Variants in TRIP11 observed in about 807,000 individuals in gnomAD.
TRIP11 encodes thyroid hormone receptor interactor 11, also known as thyroid receptor-interacting protein 11.
A neutral mutation model predicts 223.1 loss-of-function variants in TRIP11; 148 were observed. The ratio of observed to expected loss-of-function variants is 0.66; its 90% CI spans 0.58 to 0.76. The LOEUF (loss-of-function observed/expected upper bound fraction) is 0.76. TRIP11 is among the 30% of genes least tolerant of loss of function. The pLI is 0.00. For synonymous variants in TRIP11, 762 were observed against 772.6 expected (o/e 0.99, Z 0.23); for missense variants, 2,043 against 2,222.0 (o/e 0.92, Z 1.62).
intron 8 of TRIP11, 39 bp from the exon 9 acceptor site, chr14:92,011,111 A>G (rs1264090574): frequency 1.9e-6 from 3 of 1,589,758 alleles, no homozygotes; most frequent in South Asian, 2.2e-5. Context: ...GGTAACAAGA[A>G]ATTTCCAGTT....
Position 91,969,893 on chromosome 14 carries a change from T to C in TRIP11, c.5720A>G (p.Asp1907Gly), listed in dbSNP as rs2056380649. 6.2e-7 allele frequency: 1 copy of C among 1,613,140 alleles called. No individual in the cohort carries two copies. Among genetic ancestry groups the C allele is most frequent in the African/African-American group, 1.3e-5 (1 of 74,936 alleles). Residue 1907 changes from aspartate to glycine, a missense_variant and splice_region_variant, in exon 21 of 21, where the codon GAT becomes GGT. By Grantham distance (94) the Asp-to-Gly change is moderately conservative. Transcript: ENST00000267622. ...TCTACCAGACCTGGATTCTGCTGTA[T>C]CTAAAGAATAAAATATGGATTTAGT... ...RDTNAPESFK[D>G]TAESRSGRRT...
rs11621328 is a variant in TRIP11, at chr14:92,033,004, T to G, written c.201+188A>C. On this transcript the variant is annotated intron_variant, in intron 2 of 20. Coordinates refer to ENST00000267622, the MANE Select transcript of TRIP11 (RefSeq NM_004239.4). ...ATGGGAATATTAAAGAATAGCAAAC[T>G]GCAGTAACAGGTAAATATATTTTTC... 0.23 allele frequency among the ~76,000 whole-genome samples: 34,338 copies of G among 151,944 alleles called. 4,898 individuals are homozygous for G. The highest frequency in any genetic ancestry group is 0.35 in the Admixed American group (5,284 of 15,240).
chr14:92,025,132 A>G (rs1277434772), intron 3 of TRIP11, among the ~76,000 whole-genome samples, 178 bp downstream of exon 3: 1 of 152,186 alleles, frequency 6.6e-6, no homozygotes, highest in Non-Finnish European at 1.5e-5. Context: ...TAAAGTTTAC[A>G]TTACCTTACA....
chr14:92,019,546 T>G (rs1189825324), intron 4 of TRIP11, among the ~76,000 whole-genome samples: 2 of 152,162 alleles, frequency 1.3e-5, no homozygotes, highest in Non-Finnish European at 2.9e-5. Flanking sequence ...AGTGGGAAGA[T>G]TTCTCCTTTA....
chr14:91,973,513 T>A (rs2056425566), intron 19 of TRIP11, among the ~76,000 whole-genome samples: 1 of 152,144 alleles, frequency 6.6e-6, no homozygotes, highest in Admixed American at 6.5e-5. Context: ...AACACAAACA[T>A]AAAAAATTAT....
At chr14:91,987,216 T>C (rs2056614326) in intron 16 of TRIP11, among the ~76,000 whole-genome samples, 1 of 152,178 alleles carries the variant, frequency 6.6e-6, no homozygotes, top group Admixed American at 6.5e-5. Context: ...GGTCAAGACT[T>C]ACAAGGTAGA....
At chr14:91,975,364 A>C in intron 17 of TRIP11, 78 bp from the exon 18 acceptor site, 1 of 904,256 alleles carries the variant, frequency 1.1e-6, no homozygotes. Flanking sequence ...GAAATATTTA[A>C]TTATATTAAA....
chr14:92,008,087 G>A (rs1367167501), intron 9 of TRIP11, among the ~76,000 whole-genome samples: 1 of 152,092 alleles, frequency 6.6e-6, no homozygotes, highest in South Asian at 2.1e-4. Flanking sequence ...CAGATGCAGC[G>A]ACTGTAAGTT....
intron 15 of TRIP11, among the ~76,000 whole-genome samples, chr14:91,990,655 A>G (rs76786632): frequency 0.1 from 15,856 of 152,226 alleles, 861 homozygotes; most frequent in Non-Finnish European, 0.12. Flanking sequence ...AGCCTGGGAA[A>G]CATAGCAAGA....
intron 15 of TRIP11, among the ~76,000 whole-genome samples, chr14:91,992,464 T>C (rs549194752): frequency 3.3e-5 from 5 of 152,178 alleles, no homozygotes; most frequent in Non-Finnish European, 5.9e-5. Context: ...TTGCAGCCAT[T>C]TAATACTTAA....
rs756561387 is a variant in TRIP11, at chr14:92,003,534, G to A, written c.4442C>T (p.Ala1481Val). ...TYRGKETEYQALQETNMKFSM... is the reference protein window; with the variant it reads ...TYRGKETEYQVLQETNMKFSM... ...AAACTTCATGTTAGTCTCTTGTAAC[G>A]CTTGATATTCTGTTTCCTTTCCCCT... Residue 1481 changes from alanine (A) to valine (V), a missense_variant, in exon 11 of 21, where the codon GCG becomes GTG. Ala to Val is a moderately conservative substitution (Grantham distance 64). Transcript: ENST00000267622. 8.1e-6 allele frequency: 13 copies of A among 1,613,858 alleles called. No individual in the cohort carries two copies. Among genetic ancestry groups the A allele is most frequent in the South Asian group, 2.2e-5 (2 of 91,076 alleles).
intron 16 of TRIP11, among the ~76,000 whole-genome samples, chr14:91,977,695 T>C (rs1483473471): frequency 1.3e-5 from 2 of 150,852 alleles, no homozygotes; most frequent in Non-Finnish European, 2.9e-5. Flanking sequence ...ACTCACTTTC[T>C]TAAAGAATTT....
In TRIP11 at chr14:92,007,802, A is replaced by G; in HGVS notation, c.1365T>C (p.Ile455=). ...TTATGTCTCTTGTAGCTGTACTTTT[A>G]ATTACTTCATATTCATTGTTCAATT... ...LLKLNNEYEV[I]KSTATRDISL... is the part of the protein sequence containing the mutation. Residue 455 remains isoleucine, a synonymous_variant, in exon 10 of 21, where the codon ATT becomes ATC. Transcript: ENST00000267622. 1 of 1,613,324 alleles carries G rather than the reference A, an allele frequency of 6.2e-7. No individual in the cohort carries two copies.
At position 92,005,267 on chromosome 14, in the gene TRIP11, C is replaced by T. The variant is rs1404818181; in HGVS notation, c.2709G>A (p.Thr903=). 3 of 1,614,072 alleles carry T rather than the reference C, an allele frequency of 1.9e-6. No homozygotes were observed. The highest frequency in any genetic ancestry group is 2.2e-5 in the East Asian group (1 of 44,880). ...ELASEVSQLN[T]IKEHLEEEIK... is the part of the protein sequence containing the mutation. ...TTTCCTCTTCAAGATGTTCCTTGAT[C>T]GTGTTCAGTTGAGATACCTCAGATG... Residue 903 remains threonine, a synonymous_variant, in exon 11 of 21, where the codon ACG becomes ACA. Coordinates refer to ENST00000267622, the MANE Select transcript of TRIP11 (RefSeq NM_004239.4).
Position 92,005,245 on chromosome 14 carries a change from C to T in TRIP11, c.2731G>A (p.Glu911Lys). Reference sequence around the variant, plus strand: ...ATTATCTTTTGATGATGTTTAATTTCCTCTTCAAGATGTTCCTTGATCGTG... The same window carrying T: ...ATTATCTTTTGATGATGTTTAATTTTCTCTTCAAGATGTTCCTTGATCGTG... ...LNTIKEHLEE[E>K]IKHHQKIIED... Residue 911 changes from glutamate (E) to lysine (K), a missense_variant, in exon 11 of 21, where the codon GAA becomes AAA. Glu to Lys is a moderately conservative substitution (Grantham distance 56). Coordinates refer to ENST00000267622, the MANE Select transcript of TRIP11 (RefSeq NM_004239.4). The T allele has an allele frequency of 6.2e-7, 1 of 1,614,106 alleles. No homozygotes were observed. Among genetic ancestry groups the T allele is most frequent in the South Asian group, 1.1e-5 (1 of 91,072 alleles).
chr14:92,030,773 G>A (rs2057255102), intron 2 of TRIP11: 1 of 152,168 alleles, frequency 6.6e-6, no homozygotes, highest in Non-Finnish European at 1.5e-5. Context: ...GTACACAAAG[G>A]CAACTGGGAG....
intron 16 of TRIP11, among the ~76,000 whole-genome samples, chr14:91,979,272 A>AAAAAG (rs1555383822): frequency 6.0e-5 from 9 of 150,090 alleles, no homozygotes; most frequent in African/African-American, 2.2e-4. Flanking sequence ...AAAAAAAAAA[A>AAAAAG]AGAGAGAGAG....
At chr14:91,997,011 A>G (rs951379665) in intron 13 of TRIP11, among the ~76,000 whole-genome samples, 38 of 152,188 alleles carry the variant, frequency 2.5e-4, no homozygotes, top group Non-Finnish European at 5.0e-4. Context: ...ATTAAAGCTC[A>G]TTAGGATCAA....
At chr14:92,022,936 C>T (rs1177499984) in intron 3 of TRIP11, among the ~76,000 whole-genome samples, 1 of 152,130 alleles carries the variant, frequency 6.6e-6, no homozygotes, top group African/African-American at 2.4e-5. Flanking sequence ...ATATGAACAT[C>T]ACAATGAGGG....
Sources: allele counts gnomAD v4.1 joint callset (sites outside exome capture counted in the v4.1 genomes callset), GRCh38; gene constraint gnomAD v4.1.1; transcripts MANE v1.5; gene names NCBI Gene and HGNC (gene_info 2026-07-23, HGNC 2026-07-21).